CREB1: variants seen among roughly 807,000 people sequenced by gnomAD.
CREB1 encodes cAMP responsive element binding protein 1.
Under a neutral mutation model 42.0 loss-of-function variants are expected in CREB1, and 2 were observed. The ratio of observed to expected loss-of-function variants is 0.05; its 90% confidence interval spans 0.02 to 0.15. The LOEUF (loss-of-function observed/expected upper bound fraction) is 0.15, where lower values mean the gene tolerates loss of function less well. Ranked by LOEUF, CREB1 falls within the 10% of genes least tolerant of loss-of-function variation. The probability of loss-of-function intolerance (pLI) is 1.00; values close to 1 mark genes in which losing one functional copy is unlikely to be tolerated. For synonymous variants in CREB1, 123 were observed against 139.9 expected, an observed-to-expected ratio of 0.88 and a Z score of 0.85; for missense variants, 199 against 388.9, an observed-to-expected ratio of 0.51 and a Z score of 4.11.
chr2:207,557,937 G>C (rs1176491527), intron 2 of CREB1, among the ~76,000 whole-genome samples: 2 of 152,108 alleles, frequency 1.3e-5, no homozygotes, highest in African/African-American at 2.4e-5. Context: ...TATTACAAGA[G>C]CATTTATATG....
At chr2:207,539,512 C>A (rs1356237051) in intron 1 of CREB1, among the ~76,000 whole-genome samples, 2 of 151,916 alleles carry the variant, frequency 1.3e-5, no homozygotes, top group Admixed American at 1.3e-4. Context: ...GTGAAATAAT[C>A]GCAAGAAAAT....
At chr2:207,575,945 C>A (rs977467481) in intron 6 of CREB1, among the ~76,000 whole-genome samples, 1 of 66,768 alleles carries the variant, frequency 1.5e-5, no homozygotes, top group African/African-American at 3.8e-5. Flanking sequence ...CCCCCCCCCC[C>A]CCCAAAAGAA....
intron 6 of CREB1, among the ~76,000 whole-genome samples, chr2:207,576,242 T>C (rs1396027356): frequency 9.0e-5 from 1 of 11,050 alleles, no homozygotes; most frequent in Non-Finnish European, 2.5e-4. Flanking sequence ...TTTTTTTGGC[T>C]TTTTTTTTTT....
intron 1 of CREB1, among the ~76,000 whole-genome samples, chr2:207,549,202 G>A (rs1335643957): frequency 6.6e-6 from 1 of 152,178 alleles, no homozygotes; most frequent in East Asian, 1.9e-4. Flanking sequence ...AGGAGTGTGT[G>A]TACATATATA....
intron 1 of CREB1, among the ~76,000 whole-genome samples, chr2:207,546,666 GC>G (rs2081312003): frequency 1.3e-5 from 2 of 152,030 alleles, no homozygotes; most frequent in South Asian, 2.1e-4. Context: ...AGCGGAGGTT[GC>G]AGTGAGCTGA....
intron 6 of CREB1, chr2:207,576,802 A>G: frequency 2.9e-6 from 3 of 1,035,208 alleles, no homozygotes; most frequent in Non-Finnish European, 3.5e-6. Flanking sequence ...TTTAAGTAAC[A>G]TTAGGTTCCT....
rs1278291606 is a variant in CREB1 at position 207,598,279 on chromosome 2, T to TA, written c.*1222dup. 10 of 183,348 alleles carry TA rather than the reference T, an allele frequency of 5.5e-5. No homozygotes were observed. The highest frequency in any genetic ancestry group is 2.3e-4 in the African/African-American group (10 of 42,570). 11.4% of individuals were successfully genotyped at this position (183,348 alleles called of 1,614,324 possible). A position where few individuals can be genotyped will look rare whatever the true frequency, so the allele number is the denominator to read the frequency against. On this transcript the variant is annotated 3_prime_UTR_variant, in exon 8 of 8. Transcript: ENST00000353267. The stretch of plus-strand genomic sequence containing the variant: ...ACTGCAATATTTGGATTGTCATTCT[T>TA]ACAAAACATTTTTTTGTTCTCTTGT...
At chr2:207,532,874 GC>G (rs1403292507) in intron 1 of CREB1, among the ~76,000 whole-genome samples, 2 of 151,814 alleles carry the variant, frequency 1.3e-5, no homozygotes, top group African/African-American at 4.8e-5. Context: ...TCCTGCCCCA[GC>G]CCCCCGAGTA....
chr2:207,556,734 C>T (rs1483521459), intron 2 of CREB1, among the ~76,000 whole-genome samples: 1 of 152,178 alleles, frequency 6.6e-6, no homozygotes, highest in South Asian at 2.1e-4. Flanking sequence ...TGTACTCATA[C>T]GAGGCAGGCT....
chr2:207,561,103 A>G, intron 3 of CREB1: 1 of 1,612,632 alleles, frequency 6.2e-7, no homozygotes, highest in South Asian at 1.1e-5. Context: ...CCCATTTCAT[A>G]TTTTTTGCTT....
rs893852545 is a variant in CREB1, at chr2:207,561,026, C to T, written c.261+654C>T. The T allele has an allele frequency of 8.3e-6, 9 of 1,089,984 alleles. No homozygotes were observed. In the Middle Eastern group the frequency reaches 6.0e-4, roughly 73 times the overall value. 67.5% of individuals were successfully genotyped at this position (1,089,984 alleles called of 1,614,324 possible). A position where few individuals can be genotyped will look rare whatever the true frequency, so the allele number is the denominator to read the frequency against. On this transcript the variant is annotated intron_variant, in intron 3 of 7. Transcript: ENST00000353267. ...GTAGGGAACCGAGAGCAGTATAGAT[C>T]ATTGCAATTGAGCTTATTGAAAAAA...
chr2:207,555,521 T>G, intron 1 of CREB1, 107 bp from the exon 2 acceptor site: 1 of 547,780 alleles, frequency 1.8e-6, no homozygotes, highest in Non-Finnish European at 3.3e-6. Flanking sequence ...GTTCATTTGG[T>G]AACCTAACCA....
rs534925917 is a variant in CREB1 at position 207,553,740 on chromosome 2, A to G, written c.-8-1888A>G. Among the ~76,000 whole-genome samples the G allele has an allele frequency of 2.0e-5, 3 of 152,304 alleles. No individual in the cohort carries two copies. In the East Asian group the frequency reaches 5.8e-4, roughly 29 times the overall value. Reference sequence around the variant, plus strand: ...GTAATCCTGAATCCATTCTCATGGGAAGAAAGATACTTAAGTCAATATTAA... The same window carrying G: ...GTAATCCTGAATCCATTCTCATGGGGAGAAAGATACTTAAGTCAATATTAA... On this transcript the variant is annotated intron_variant, in intron 1 of 7. Coordinates refer to ENST00000353267, the MANE Select transcript of CREB1 (RefSeq NM_004379.5).
intron 1 of CREB1, among the ~76,000 whole-genome samples, chr2:207,544,447 T>C (rs2081222697): frequency 6.6e-6 from 1 of 152,228 alleles, no homozygotes; most frequent in Non-Finnish European, 1.5e-5. Context: ...TTGGAAGGAA[T>C]TTATAGTTAA....
At chr2:207,577,754 A>T in intron 7 of CREB1, 99 bp downstream of exon 7, 1 of 1,463,056 alleles carries the variant, frequency 6.8e-7, no homozygotes, top group Non-Finnish European at 9.3e-7. Flanking sequence ...GGATCTTTGC[A>T]TTGAATTTTT....
intron 7 of CREB1, among the ~76,000 whole-genome samples, chr2:207,590,342 C>G (rs1482694317): frequency 6.6e-6 from 1 of 151,760 alleles, no homozygotes; most frequent in Non-Finnish European, 1.5e-5. Flanking sequence ...ACCCCTACCC[C>G]AGCCACCCTC....
chr2:207,594,102 G>T (rs2085637588), intron 7 of CREB1, among the ~76,000 whole-genome samples: 2 of 152,216 alleles, frequency 1.3e-5, no homozygotes, highest in African/African-American at 4.8e-5. Context: ...TAATAAGATT[G>T]TGGCCCTTGA....
At chr2:207,533,023 AC>A (rs1559257896) in intron 1 of CREB1, among the ~76,000 whole-genome samples, 1 of 152,070 alleles carries the variant, frequency 6.6e-6, no homozygotes, top group Non-Finnish European at 1.5e-5. Context: ...GGAACATGTT[AC>A]TAAATTGTAC....
At chr2:207,535,071 G>C (rs1022689418) in intron 1 of CREB1, among the ~76,000 whole-genome samples, 2 of 152,058 alleles carry the variant, frequency 1.3e-5, no homozygotes, top group Non-Finnish European at 2.9e-5. Flanking sequence ...TTTATTCTTA[G>C]GTCTTATATT....
Sources: gnomAD v4.1 joint callset for allele counts (sites outside exome capture counted in the v4.1 genomes callset) on GRCh38, gnomAD v4.1.1 for gene constraint, MANE v1.5 for transcripts, NCBI Gene and HGNC (gene_info 2026-07-23, HGNC 2026-07-21) for gene names.